The following LYRM4 variants were observed in gnomAD, a reference collection of about 807,000 sequenced individuals.
The protein encoded by LYRM4 is LYR motif-containing protein 4.
In LYRM4, 9 loss-of-function variants were observed where a neutral mutation model predicts 11.7. The ratio of observed to expected loss-of-function variants is 0.77; its 90% CI spans 0.46 to 1.34. The LOEUF is 1.34. Among genes scored for constraint, LYRM4 ranks in the 40% most tolerant of loss-of-function variants. The pLI is 0.00. For missense variants in LYRM4, 133 were observed against 112.5 expected, an observed-to-expected ratio of 1.18 and a Z score of -0.82; for synonymous variants, 42 against 40.4, an observed-to-expected ratio of 1.04 and a Z score of -0.15.
chr6:5,259,121 A>G (rs1357456158), intron 1 of LYRM4, among the ~76,000 whole-genome samples: 1 of 152,192 alleles, frequency 6.6e-6, no homozygotes, highest in Non-Finnish European at 1.5e-5. Flanking sequence ...ACTTTCTTAC[A>G]TGCTCTCACA....
chr6:5,142,716 A>AT (rs369201638), intron 2 of LYRM4, among the ~76,000 whole-genome samples: 3 of 152,084 alleles, frequency 2.0e-5, no homozygotes, highest in African/African-American at 7.2e-5. Context: ...CTGAAACATG[A>AT]TTTTTTCCCT....
chr6:5,173,577 C>T (rs1489246378), intron 2 of LYRM4, among the ~76,000 whole-genome samples: 1 of 152,218 alleles, frequency 6.6e-6, no homozygotes, highest in African/African-American at 2.4e-5. Flanking sequence ...TGATATCCTA[C>T]ATTAACACAT....
chr6:5,224,742 C>T (rs1291192568), intron 1 of LYRM4, among the ~76,000 whole-genome samples: 1 of 152,118 alleles, frequency 6.6e-6, no homozygotes, highest in Admixed American at 6.5e-5. Context: ...GGTGGATCAC[C>T]TGAGGTCAGG....
chr6:5,094,678 T>C, the LYRM4 span, among the ~76,000 whole-genome samples: 3 of 152,346 alleles, frequency 2.0e-5, no homozygotes, highest in South Asian at 6.2e-4. Context: ...TCCTTGTGGC[T>C]TGAAAATGTC....
intron 1 of LYRM4, among the ~76,000 whole-genome samples, chr6:5,229,871 G>A (rs933290254): frequency 6.6e-6 from 1 of 152,156 alleles, no homozygotes; most frequent in Non-Finnish European, 1.5e-5. Context: ...TAGAGGAAAA[G>A]TTTAGGAGTA....
intron 2 of LYRM4, among the ~76,000 whole-genome samples, chr6:5,209,852 G>A (rs1003772812): frequency 7.9e-5 from 12 of 152,212 alleles, no homozygotes; most frequent in African/African-American, 2.9e-4. Flanking sequence ...TAAACATTAA[G>A]ATGGGGCTTG....
At chr6:5,146,486 A>C (rs1180426292) in intron 2 of LYRM4, among the ~76,000 whole-genome samples, 1 of 152,004 alleles carries the variant, frequency 6.6e-6, no homozygotes, top group African/African-American at 2.4e-5. Flanking sequence ...CAGGATTTAT[A>C]CCCCCAGGCA....
intron 1 of LYRM4, chr6:5,240,376 T>A (rs1763806747): frequency 6.6e-6 from 1 of 152,216 alleles, no homozygotes; most frequent in South Asian, 2.1e-4. Flanking sequence ...TTTCAATGTA[T>A]AAAACTGTAC....
chr6:5,085,472 G>A, the LYRM4 span: 2 of 1,527,228 alleles, frequency 1.3e-6, no homozygotes, highest in African/African-American at 1.4e-5. Context: ...GCAAGTCCAG[G>A]GGCGAACGGC....
chr6:5,084,394 C>A, the LYRM4 span, among the ~76,000 whole-genome samples: 1 of 152,134 alleles, frequency 6.6e-6, no homozygotes, highest in African/African-American at 2.4e-5. Flanking sequence ...CCCCCACTCC[C>A]GGTGGGCGGG....
At chr6:5,225,752 A>T (rs1181142120) in intron 1 of LYRM4, among the ~76,000 whole-genome samples, 1 of 152,188 alleles carries the variant, frequency 6.6e-6, no homozygotes, top group Non-Finnish European at 1.5e-5. Flanking sequence ...AAGATAGATA[A>T]ATATTTTACT....
At chr6:5,152,158 C>T (rs962877342) in intron 2 of LYRM4, among the ~76,000 whole-genome samples, 7 of 152,218 alleles carry the variant, frequency 4.6e-5, no homozygotes, top group African/African-American at 1.7e-4. Context: ...ACTGACCCAA[C>T]TTCATTCTAT....
At chr6:5,074,945 A>G in the LYRM4 span, among the ~76,000 whole-genome samples, 1 of 152,176 alleles carries the variant, frequency 6.6e-6, no homozygotes, top group East Asian at 1.9e-4. Context: ...TGGATTTCTC[A>G]TAACTGGTTT....
chr6:5,223,310 A>C (rs1421155549), intron 1 of LYRM4, among the ~76,000 whole-genome samples: 2 of 152,238 alleles, frequency 1.3e-5, no homozygotes, highest in Non-Finnish European at 2.9e-5. Context: ...ACACATGCCA[A>C]GCACAGAGTA....
intron 1 of LYRM4, among the ~76,000 whole-genome samples, chr6:5,239,319 T>C (rs1468772257): frequency 6.6e-6 from 1 of 152,088 alleles, no homozygotes; most frequent in Non-Finnish European, 1.5e-5. Flanking sequence ...TGCTGGAGTG[T>C]TGAGTTTGCC....
chr6:5,119,195 T>A (rs1763287326), intron 2 of LYRM4, among the ~76,000 whole-genome samples: 1 of 152,206 alleles, frequency 6.6e-6, no homozygotes, highest in Non-Finnish European at 1.5e-5. Flanking sequence ...CTCTGTGTTG[T>A]TGCTGGCAGA....
chr6:5,077,295 G>A, the LYRM4 span, among the ~76,000 whole-genome samples: 1 of 152,206 alleles, frequency 6.6e-6, no homozygotes, highest in Non-Finnish European at 1.5e-5. Flanking sequence ...TGTCACACGC[G>A]GTCATTTCCC....
chr6:5,049,291 G>A, the LYRM4 span, among the ~76,000 whole-genome samples: 10 of 152,090 alleles, frequency 6.6e-5, no homozygotes, highest in South Asian at 2.1e-4. Flanking sequence ...GAGGATGGGC[G>A]GATGGGCTCT....
chr6:5,151,733 T>C (rs1198829451), intron 2 of LYRM4, among the ~76,000 whole-genome samples: 1 of 152,264 alleles, frequency 6.6e-6, no homozygotes, highest in Non-Finnish European at 1.5e-5. Flanking sequence ...ATTCTCTGAA[T>C]GTTTGATTCC....
Sources: allele counts gnomAD v4.1 joint callset (sites outside exome capture counted in the v4.1 genomes callset), GRCh38; gene constraint gnomAD v4.1.1; transcripts MANE v1.5; gene names NCBI Gene and HGNC (gene_info 2026-07-23, HGNC 2026-07-21).